BFSP2: variants seen among roughly 807,000 people sequenced by gnomAD.
BFSP2 encodes phakinin.
BFSP2 carries 38 observed loss-of-function variants against 44.9 expected under a neutral mutation model. The ratio of observed to expected loss-of-function variants is 0.85; its 90% CI spans 0.65 to 1.11. The LOEUF is 1.11. Ranked by LOEUF, BFSP2 falls within the 50% of genes least tolerant of loss-of-function variation. The pLI is 0.00. For synonymous variants in BFSP2, 197 were observed against 209.9 expected, an observed-to-expected ratio of 0.94 and a Z score of 0.53; for missense variants, 525 against 533.0, an observed-to-expected ratio of 0.99 and a Z score of 0.15.
chr3:133,403,357 T>A (rs1482976160), intron 1 of BFSP2, among the ~76,000 whole-genome samples: 1 of 152,086 alleles, frequency 6.6e-6, no homozygotes, highest in African/African-American at 2.4e-5. Context: ...CAGCTGCCTC[T>A]TCCCCCCCTT....
At chr3:133,461,814 T>G (rs2074066373) in intron 4 of BFSP2, among the ~76,000 whole-genome samples, 1 of 152,230 alleles carries the variant, frequency 6.6e-6, no homozygotes, top group African/African-American at 2.4e-5. Flanking sequence ...TCTTTCAATC[T>G]TAAACTAGAA....
intron 4 of BFSP2, among the ~76,000 whole-genome samples, chr3:133,451,663 T>C (rs2073967035): frequency 6.6e-6 from 1 of 152,220 alleles, no homozygotes; most frequent in South Asian, 2.1e-4. Context: ...AAGACTAAAA[T>C]GGGATTAGCA....
At position 133,448,580 on chromosome 3, in the gene BFSP2, G is replaced by A. The variant is rs756439680; in HGVS notation, c.664G>A (p.Asp222Asn). The A allele has an allele frequency of 1.2e-6, 2 of 1,614,014 alleles. No individual in the cohort carries two copies. The highest frequency in any genetic ancestry group is 8.5e-7 in the Non-Finnish European group (1 of 1,179,984). The change falls in exon 3 of 7, where the codon GAC becomes AAC. Residue 222 changes from aspartate (D) to asparagine (N), a missense_variant. Asp to Asn is a conservative substitution (Grantham distance 23, BLOSUM62 1). Coordinates refer to ENST00000302334, the MANE Select transcript of BFSP2 (RefSeq NM_003571.4). ...TGATGAGGCTAATTTGACTAAAATG[G>A]ACCTGGAGAGTCAAATAGAAAGTCT... Reference protein sequence around the residue: ...VIDEANLTKMDLESQIESLKE... With the variant: ...VIDEANLTKMNLESQIESLKE...
Position 133,450,440 on chromosome 3 carries a change from G to A in BFSP2, c.867G>A (p.Glu289=). Residue 289 remains glutamate, a synonymous_variant, in exon 4 of 7, where the codon GAG becomes GAA. Transcript: ENST00000302334. The part of the protein sequence containing the change: ...WERDVEKNRV[E]AGALLQAKQQ... ...GAGATGTTGAAAAGAACCGGGTGGAGGCAGGAGCCCTGCTCCAAGCTAAGG... is the reference window on the plus strand; with the variant it reads ...GAGATGTTGAAAAGAACCGGGTGGAAGCAGGAGCCCTGCTCCAAGCTAAGG... 1.2e-6 allele frequency: 2 copies of A among 1,614,102 alleles called. No individual in the cohort carries two copies. The highest frequency in any genetic ancestry group is 1.1e-5 in the South Asian group (1 of 91,084).
chr3:133,453,337 A>G (rs2073982860), intron 4 of BFSP2, among the ~76,000 whole-genome samples: 1 of 152,254 alleles, frequency 6.6e-6, no homozygotes, highest in Non-Finnish European at 1.5e-5. Context: ...GCAAGCATGC[A>G]TTTAATTACC....
At chr3:133,448,408 T>C (rs2073923638) in intron 2 of BFSP2, 81 bp from the exon 3 acceptor site, 4 of 1,520,552 alleles carry the variant, frequency 2.6e-6, no homozygotes, top group Non-Finnish European at 3.6e-6. Flanking sequence ...ATCACATAAT[T>C]GGCCTGTTGG....
chr3:133,410,030 G>A, intron 1 of BFSP2: 1 of 186,566 alleles, frequency 5.4e-6, no homozygotes, highest in South Asian at 1.4e-4. Flanking sequence ...ACAGGACGAA[G>A]TTGCCTTCCC....
intron 1 of BFSP2, chr3:133,429,695 G>C (rs1003714591): frequency 7.3e-5 from 11 of 151,506 alleles, no homozygotes; most frequent in Non-Finnish European, 1.3e-4. Context: ...TATATGAGGG[G>C]ACTTCAAAAT....
Position 133,471,285 on chromosome 3 carries a change from G to A in BFSP2, c.1024-1060G>A, listed in dbSNP as rs543405387. On this transcript the variant is annotated intron_variant, in intron 5 of 6. Transcript: ENST00000302334. Reference sequence around the variant, plus strand: ...GGGTACCACAGGTGAGAGGTGACAAGCTCCCAATCCCAGACCATGGTGGCT... The same window carrying A: ...GGGTACCACAGGTGAGAGGTGACAAACTCCCAATCCCAGACCATGGTGGCT... Among the ~76,000 whole-genome samples the A allele has an allele frequency of 1.9e-4, 29 of 152,294 alleles. No individual in the cohort carries two copies. The South Asian group carries it at 6.0e-3, about 32-fold the overall frequency.
At chr3:133,448,929 G>T in intron 3 of BFSP2, 1 of 436,046 alleles carries the variant, frequency 2.3e-6, no homozygotes, top group Non-Finnish European at 4.2e-6. Context: ...TAAATTAGAG[G>T]GAGCAACCCC....
chr3:133,473,709 C>T (rs1283801069), intron 6 of BFSP2, among the ~76,000 whole-genome samples: 2 of 151,552 alleles, frequency 1.3e-5, no homozygotes, highest in African/African-American at 4.9e-5. Context: ...GCACATCTTG[C>T]ACCGCCCTTA....
intron 1 of BFSP2, among the ~76,000 whole-genome samples, chr3:133,415,250 A>AT (rs2073508566): frequency 2.2e-5 from 1 of 45,060 alleles, no homozygotes; most frequent in African/African-American, 9.8e-5. Context: ...CCCTCTACTC[A>AT]CCCCTGCCCC....
intron 1 of BFSP2, among the ~76,000 whole-genome samples, chr3:133,443,005 G>A (rs56332329): frequency 0.025 from 3,798 of 152,030 alleles, 106 homozygotes; most frequent in South Asian, 0.087. Flanking sequence ...TTACAGGTGC[G>A]TGCAACCACG....
At chr3:133,415,820 C>G (rs1417298484) in intron 1 of BFSP2, among the ~76,000 whole-genome samples, 2 of 142,582 alleles carry the variant, frequency 1.4e-5, no homozygotes, top group South Asian at 4.7e-4. Context: ...CCTCTATTCA[C>G]CCCTGCCCTC....
rs946579746 is a variant in BFSP2, at chr3:133,448,741, G to T, written c.729+96G>T. ...AACAAGGCCACAGTAGCTCATTTCT[G>T]ACTCTCCACATTGCGTGCCCAGGAC... On this transcript the variant is annotated intron_variant, in intron 3 of 6. Coordinates refer to ENST00000302334, the MANE Select transcript of BFSP2 (RefSeq NM_003571.4). 5.6e-5 allele frequency: 83 copies of T among 1,483,796 alleles called. No homozygotes were observed. The African/African-American group carries it at 1.1e-3, about 19-fold the overall frequency. The allele number at this position is 1,483,796 out of a possible 1,614,324, so 91.9% of individuals were successfully genotyped here. A position where few individuals can be genotyped will look rare whatever the true frequency, so the allele number is the denominator to read the frequency against.
Position 133,436,765 on chromosome 3 carries a change from C to T in BFSP2, c.490-10552C>T, listed in dbSNP as rs530335041. Among the ~76,000 whole-genome samples, 63 of 152,286 alleles carry T rather than the reference C, an allele frequency of 4.1e-4. 1 individual carries two copies. The South Asian group carries it at 0.013, about 31-fold the overall frequency. ...TGCTATCCCTCCCCGCTTCCCCCAC[C>T]CCACTACAGGCCCTGGTGTGTGATG... On this transcript the variant is annotated intron_variant, in intron 1 of 6. Coordinates refer to ENST00000302334, the MANE Select transcript of BFSP2 (RefSeq NM_003571.4).
chr3:133,422,105 C>CAAAAAAAAAAAA (rs35193779), intron 1 of BFSP2, among the ~76,000 whole-genome samples: 1 of 84,084 alleles, frequency 1.2e-5, no homozygotes, highest in African/African-American at 5.7e-5. Flanking sequence ...GACTCCATCT[C>CAAAAAAAAAAAA]AAAAAAAAAA....
intron 6 of BFSP2, among the ~76,000 whole-genome samples, chr3:133,472,951 CT>C (rs745554127): frequency 3.9e-3 from 553 of 141,712 alleles, no homozygotes; most frequent in Admixed American, 4.7e-3. Context: ...CCCTGCGCAT[CT>C]TTTTTTTTTT....
chr3:133,418,684 A>C (rs1237201042), intron 1 of BFSP2, among the ~76,000 whole-genome samples: 5 of 152,150 alleles, frequency 3.3e-5, no homozygotes, highest in Non-Finnish European at 5.9e-5. Context: ...GCTCAATCCC[A>C]CCAGCCAAAG....
Sources: allele counts gnomAD v4.1 joint callset (sites outside exome capture counted in the v4.1 genomes callset), GRCh38; gene constraint gnomAD v4.1.1; transcripts MANE v1.5; gene names NCBI Gene and HGNC (gene_info 2026-07-23, HGNC 2026-07-21).